Variants in ZNF276 observed in about 807,000 individuals in gnomAD.
ZNF276 encodes zinc finger protein 276.
In ZNF276, 59 loss-of-function variants were observed where a neutral mutation model predicts 63.9. The observed-to-expected ratio is 0.92, with a 90% CI of 0.75 to 1.15. The LOEUF (loss-of-function observed/expected upper bound fraction) is 1.15, where lower values mean the gene tolerates loss of function less well. Among genes scored for constraint, ZNF276 ranks in the 50% most tolerant of loss-of-function variants. The pLI is 0.00. For synonymous variants in ZNF276, 496 were observed against 348.4 expected (o/e 1.42, Z -4.72); for missense variants, 1,084 against 843.8 (o/e 1.28, Z -3.53).
chr16:89,736,467 G>T (rs1053970497), intron 9 of ZNF276, among the ~76,000 whole-genome samples: 2 of 151,922 alleles, frequency 1.3e-5, no homozygotes, highest in Non-Finnish European at 2.9e-5. Flanking sequence ...TGGGACTACA[G>T]GTGTGTGCCA....
intron 4 of ZNF276, among the ~76,000 whole-genome samples, chr16:89,724,479 G>A (rs1001478707): frequency 1.3e-5 from 2 of 152,072 alleles, no homozygotes; most frequent in Admixed American, 1.3e-4. Flanking sequence ...AAACCCCATC[G>A]CTAATAAAAA....
rs541160380 is a variant in ZNF276, at chr16:89,732,653, T to C, written c.1170-649T>C. ...CCCTCCGCTGTGTTTGCCCTGACCC[T>C]CCTGTACCCTGCGTCCTCGCCCTCT... On this transcript the variant is annotated intron_variant, in intron 6 of 10. Transcript: ENST00000443381. 133 of 229,986 alleles carry C rather than the reference T, an allele frequency of 5.8e-4. 2 individuals are homozygous for C. The highest frequency in any genetic ancestry group is 9.9e-4 in the Non-Finnish European group (112 of 113,188). The allele number at this position is 229,986 out of a possible 1,614,324, so 14.2% of individuals were successfully genotyped here.
Position 89,733,329 on chromosome 16 carries a change from A to G in ZNF276, c.1197A>G (p.Lys399=). The change falls in exon 7 of 11, where the codon AAA becomes AAG. Residue 399 remains lysine, a synonymous_variant. Coordinates refer to ENST00000443381, the MANE Select transcript of ZNF276 (RefSeq NM_001113525.2). ...RKVSGKKSES[K]EAKKSEEPRI... is the part of the protein sequence containing the mutation. ...TCTCTGGTAAGAAGAGTGAAAGCAA[A>G]GAAGCCAAGAAGTCTGAAGAACCAA... is the stretch of plus-strand genomic sequence containing the variant. 1 of 1,614,164 alleles carries G rather than the reference A, an allele frequency of 6.2e-7. No homozygotes were observed. Among genetic ancestry groups the G allele is most frequent in the Non-Finnish European group, 8.5e-7 (1 of 1,180,036 alleles).
chr16:89,739,857 T>TA lies in ZNF276; in HGVS notation c.*1613dup. ...TTATTGCTTTAAACAAGTTTGTGCT[T>TA]AATCTGTCCCAACTAAAATGGAGCT... On this transcript the variant is annotated 3_prime_UTR_variant, in exon 11 of 11. Coordinates refer to ENST00000443381, the MANE Select transcript of ZNF276 (RefSeq NM_001113525.2). The TA allele has an allele frequency of 6.5e-7, 1 of 1,528,530 alleles. No homozygotes were observed. Among genetic ancestry groups the TA allele is most frequent in the Non-Finnish European group, 8.8e-7 (1 of 1,141,056 alleles). The allele number at this position is 1,528,530 out of a possible 1,614,324, so 94.7% of individuals were successfully genotyped here. A position where few individuals can be genotyped will look rare whatever the true frequency, so the allele number is the denominator to read the frequency against.
Position 89,721,776 on chromosome 16 carries a change from A to T in ZNF276, c.136A>T (p.Thr46Ser). Residue 46 changes from threonine (T) to serine (S), a missense_variant, in exon 1 of 11, where the codon ACG becomes TCG. Transcript: ENST00000443381. ...CGGTGGGCCGAGGGTGGACGGGGCG[A>T]CGGCGCGGCGCGCCTGGGGCCCGGT... The part of the protein sequence containing the change: ...LSGGPRVDGA[T>S]ARRAWGPVGS... The T allele has an allele frequency of 8.7e-6, 11 of 1,263,902 alleles. No homozygotes were observed. The highest frequency in any genetic ancestry group is 1.1e-5 in the Non-Finnish European group (11 of 1,005,776). 78.3% of individuals were successfully genotyped at this position (1,263,902 alleles called of 1,614,324 possible).
In ZNF276 at chr16:89,739,399, T is replaced by C; in HGVS notation, c.*1153T>C. 1 of 1,569,826 alleles carries C rather than the reference T, an allele frequency of 6.4e-7. No individual in the cohort carries two copies. Among genetic ancestry groups the C allele is most frequent in the Non-Finnish European group, 8.7e-7 (1 of 1,154,310 alleles). On this transcript the variant is annotated 3_prime_UTR_variant, in exon 11 of 11. Transcript: ENST00000443381. ...GCAGAGGCACAGACAACCCTTCCCA[T>C]CTGGCGGGACCCAGAGGTGCTGAGA...
intron 6 of ZNF276, chr16:89,731,904 G>A (rs990172103): frequency 1.3e-5 from 2 of 152,188 alleles, no homozygotes; most frequent in Non-Finnish European, 2.9e-5. Context: ...TTGTGAATAG[G>A]GAGAATTTGT....
At position 89,723,201 on chromosome 16, in the gene ZNF276, G is replaced by A. The variant is rs2061361669; in HGVS notation, c.556+18G>A. Reference sequence around the variant, plus strand: ...GTGTCTGGGTGAGTCCTCCCCCGGTGGAGGGTGGGCTGGGTGCCGACCAGC... The same window carrying A: ...GTGTCTGGGTGAGTCCTCCCCCGGTAGAGGGTGGGCTGGGTGCCGACCAGC... On this transcript the variant is annotated intron_variant, in intron 3 of 10. Coordinates refer to ENST00000443381, the MANE Select transcript of ZNF276 (RefSeq NM_001113525.2). The A allele has an allele frequency of 1.2e-6, 2 of 1,613,098 alleles. No homozygotes were observed. The highest frequency in any genetic ancestry group is 1.3e-5 in the African/African-American group (1 of 74,956).
Position 89,739,402 on chromosome 16 carries a change from G to A in ZNF276, c.*1156G>A, listed in dbSNP as rs994282443. 9.6e-6 allele frequency: 15 copies of A among 1,565,486 alleles called. No individual in the cohort carries two copies. The African/African-American group carries it at 2.0e-4, about 21-fold the overall frequency. On this transcript the variant is annotated 3_prime_UTR_variant, in exon 11 of 11. Coordinates refer to ENST00000443381, the MANE Select transcript of ZNF276 (RefSeq NM_001113525.2). ...GAGGCACAGACAACCCTTCCCATCTGGCGGGACCCAGAGGTGCTGAGATGG... is the reference window on the plus strand; with the variant it reads ...GAGGCACAGACAACCCTTCCCATCTAGCGGGACCCAGAGGTGCTGAGATGG...
At chr16:89,727,249 G>T (rs1468048547) in intron 4 of ZNF276, 30 bp from the exon 5 acceptor site, 1 of 1,607,624 alleles carries the variant, frequency 6.2e-7, no homozygotes, top group African/African-American at 1.3e-5. Flanking sequence ...CTCCGTGTTG[G>T]TAACAGGAGC....
Position 89,729,145 on chromosome 16 carries a change from G to A in ZNF276, c.1086-90G>A. The stretch of plus-strand genomic sequence containing the variant: ...AAGAACTCAAATGTGGGACATGGGG[G>A]TCCATTTGGTATCTTTAGGCAGGAG... On this transcript the variant is annotated intron_variant, in intron 5 of 10. Transcript: ENST00000443381. 1.7e-5 allele frequency: 17 copies of A among 997,504 alleles called. 1 individual carries two copies. The South Asian group carries it at 1.7e-4, about 10-fold the overall frequency. 61.8% of individuals were successfully genotyped at this position (997,504 alleles called of 1,614,324 possible).
chr16:89,734,287 C>G (rs946353012), intron 9 of ZNF276, among the ~76,000 whole-genome samples: 6 of 152,010 alleles, frequency 3.9e-5, no homozygotes, highest in African/African-American at 1.4e-4. Context: ...AAACTAATAG[C>G]CAAGCAATCT....
upstream of ZNF276, chr16:89,720,607 C>T (rs2061234267): frequency 1.2e-5 from 15 of 1,229,514 alleles, no homozygotes; most frequent in South Asian, 4.4e-4. Flanking sequence ...GGCTGCGCCC[C>T]GCCCCCGTCC....
chr16:89,725,591 A>C (rs1049997403), intron 4 of ZNF276, among the ~76,000 whole-genome samples: 10 of 151,774 alleles, frequency 6.6e-5, no homozygotes, highest in African/African-American at 2.4e-4. Context: ...GGAGATCGAG[A>C]CCATCCTGAC....
At chr16:89,735,895 G>GT (rs202205113) in intron 9 of ZNF276, among the ~76,000 whole-genome samples, 1,871 of 142,884 alleles carry the variant, frequency 0.013, 46 homozygotes, top group South Asian at 0.088. Context: ...TTTTTTGTTT[G>GT]TTTGTTTGTT....
chr16:89,733,603 G>T (rs1215401427), intron 8 of ZNF276, 46 bp downstream of exon 8: 1 of 1,601,148 alleles, frequency 6.2e-7, no homozygotes, highest in South Asian at 1.1e-5. Context: ...CTGTCAGTGT[G>T]AACCTGGGGG....
At chr16:89,737,085 TGA>T (rs2061947288) in intron 9 of ZNF276, among the ~76,000 whole-genome samples, 1 of 152,058 alleles carries the variant, frequency 6.6e-6, no homozygotes, top group Non-Finnish European at 1.5e-5. Context: ...TTCAAGGGTG[TGA>T]GAAAGATTTC....
chr16:89,738,648 G>A lies in ZNF276; in HGVS notation c.*402G>A, dbSNP rs937443966. The A allele has an allele frequency of 1.2e-6, 2 of 1,613,458 alleles. No homozygotes were observed. The highest frequency in any genetic ancestry group is 1.3e-5 in the African/African-American group (1 of 75,054). ...GACAGGTCAGCGTCAGGGGCAGCCT[G>A]CTGTCTGCTCTGGAGGGCGGCGCTC... is the stretch of plus-strand genomic sequence containing the variant. On this transcript the variant is annotated 3_prime_UTR_variant, in exon 11 of 11. Coordinates refer to ENST00000443381, the MANE Select transcript of ZNF276 (RefSeq NM_001113525.2).
chr16:89,724,833 CCTAT>C (rs140847556), intron 4 of ZNF276, among the ~76,000 whole-genome samples: 48,801 of 152,018 alleles, frequency 0.32, 9,306 homozygotes, highest in Non-Finnish European at 0.43. Context: ...TACCTACCTA[CCTAT>C]CTATCTTCCT....
Sources: gnomAD v4.1 joint callset for allele counts (sites outside exome capture counted in the v4.1 genomes callset) on GRCh38, gnomAD v4.1.1 for gene constraint, MANE v1.5 for transcripts, NCBI Gene and HGNC (gene_info 2026-07-23, HGNC 2026-07-21) for gene names.